Variants in SLC8A1 observed in about 807,000 individuals in gnomAD.
The protein encoded by SLC8A1 is solute carrier family 8 member A1.
A neutral mutation model predicts 68.3 loss-of-function variants in SLC8A1; 18 were observed. The observed-to-expected ratio is 0.26, with a 90% CI of 0.18 to 0.39. The LOEUF (loss-of-function observed/expected upper bound fraction) is 0.39, where lower values mean the gene tolerates loss of function less well. Among genes scored for constraint, SLC8A1 ranks in the 10% least tolerant of loss-of-function variants. SLC8A1 has a pLI of 1.00. For missense variants in SLC8A1, 985 were observed against 1,156.7 expected (o/e 0.85, Z 2.15); for synonymous variants, 475 against 415.5 (o/e 1.14, Z -1.74).
At chr2:40,271,267 C>T (rs989677549) in intron 2 of SLC8A1, among the ~76,000 whole-genome samples, 1 of 152,072 alleles carries the variant, frequency 6.6e-6, no homozygotes, top group African/African-American at 2.4e-5. Flanking sequence ...TCCCACTCCT[C>T]TCCCAGGTGT....
intron 2 of SLC8A1, among the ~76,000 whole-genome samples, chr2:40,396,748 T>TAAAAAAAAAAAAAAAA (rs368483768): frequency 2.1e-4 from 18 of 87,070 alleles, no homozygotes; most frequent in Admixed American, 5.5e-4. Flanking sequence ...CTCTAATAAC[T>TAAAAAAAAAAAAAAAA]AAAAAAAAAA....
In SLC8A1 at chr2:40,219,812, T is replaced by TG. The variant is rs1558810301; in HGVS notation, c.1809-41958_1809-41957insC. ...AGTTGATGAGAGAGATGTGCTTTGT[T>TG]TGCTATGCATGAGATTGCTTGAAAA... is the stretch of plus-strand genomic sequence containing the variant. On this transcript the variant is annotated intron_variant, in intron 2 of 7. Transcript: ENST00000406785. Among the ~76,000 whole-genome samples, 80 of 26,438 alleles carry TG rather than the reference T, an allele frequency of 3.0e-3. 5 individuals carry two copies. The highest frequency in any genetic ancestry group is 4.5e-3 in the Non-Finnish European group (35 of 7,754). 17.3% of individuals were successfully genotyped at this position (26,438 alleles called of 152,430 possible). A position where few individuals can be genotyped will look rare whatever the true frequency, so the allele number is the denominator to read the frequency against.
intron 2 of SLC8A1, among the ~76,000 whole-genome samples, chr2:40,353,136 G>A (rs1205714512): frequency 1.3e-5 from 2 of 152,102 alleles, no homozygotes; most frequent in South Asian, 2.1e-4. Context: ...GGAATCAAAG[G>A]GGTAAATTGT....
intron 2 of SLC8A1, among the ~76,000 whole-genome samples, chr2:40,273,164 A>C (rs562380634): frequency 1.3e-3 from 194 of 152,124 alleles, no homozygotes; most frequent in African/African-American, 4.5e-3. Flanking sequence ...GCTGGTCTCG[A>C]ACTCCTGACC....
chr2:40,321,456 T>C (rs1237624594), intron 2 of SLC8A1, among the ~76,000 whole-genome samples: 1 of 152,106 alleles, frequency 6.6e-6, no homozygotes. Context: ...ATGGGGTCTG[T>C]GGGTCCTTAC....
At chr2:40,454,730 A>G (rs1702901882), upstream of SLC8A1, among the ~76,000 whole-genome samples, 1 of 152,072 alleles carries the variant, frequency 6.6e-6, no homozygotes, top group Non-Finnish European at 1.5e-5. Flanking sequence ...TTTCTCTTTA[A>G]AGGCATTTTT....
chr2:40,214,602 T>C (rs2057163690), intron 2 of SLC8A1, among the ~76,000 whole-genome samples: 2 of 151,690 alleles, frequency 1.3e-5, no homozygotes, highest in Non-Finnish European at 2.9e-5. Context: ...ACACCACACC[T>C]GGCTAATTTT....
At chr2:40,165,211 C>T (rs930184404) in intron 4 of SLC8A1, among the ~76,000 whole-genome samples, 5 of 152,132 alleles carry the variant, frequency 3.3e-5, no homozygotes, top group African/African-American at 1.2e-4. Context: ...TAAGCTCATG[C>T]AAAAGTTCAG....
Position 40,307,142 on chromosome 2 carries a change from GAT to G in SLC8A1, c.1808+121329_1808+121330del, listed in dbSNP as rs560417833. On this transcript the variant is annotated intron_variant, in intron 2 of 7. Transcript: ENST00000406785. The stretch of plus-strand genomic sequence containing the variant: ...ACAGATGACTGGCTAAAGAAAATGT[GAT>G]ATACACACACACACACACACACACA... 4.4e-3 allele frequency among the ~76,000 whole-genome samples: 475 copies of G among 108,210 alleles called. 4 individuals are homozygous for G. The highest frequency in any genetic ancestry group is 5.1e-3 in the Non-Finnish European group (272 of 52,960). 71.0% of individuals were successfully genotyped at this position (108,210 alleles called of 152,430 possible).
At chr2:40,399,619 A>T (rs1576121120) in intron 2 of SLC8A1, among the ~76,000 whole-genome samples, 1 of 152,180 alleles carries the variant, frequency 6.6e-6, no homozygotes, top group East Asian at 1.9e-4. Context: ...AGGGGCCTTA[A>T]ATTGTTATGT....
At chr2:40,486,607 T>C (rs1261916464) in intron 1 of SLC8A1, among the ~76,000 whole-genome samples, 12 of 152,196 alleles carry the variant, frequency 7.9e-5, no homozygotes. Context: ...ACACAGATAA[T>C]ATATCAATGA....
intron 2 of SLC8A1, among the ~76,000 whole-genome samples, chr2:40,311,405 AT>A (rs2073643101): frequency 6.6e-6 from 1 of 150,422 alleles, no homozygotes; most frequent in African/African-American, 2.5e-5. Context: ...AATTTTAAAA[AT>A]AGCCTTCAGA....
intron 2 of SLC8A1, among the ~76,000 whole-genome samples, chr2:40,284,260 TATAA>T (rs1169422354): frequency 6.7e-6 from 1 of 150,134 alleles, no homozygotes. Context: ...TCTCTCTATA[TATAA>T]ATATATAGAG....
intron 2 of SLC8A1, among the ~76,000 whole-genome samples, chr2:40,338,747 G>GA (rs1666790597): frequency 5.3e-5 from 8 of 152,052 alleles, no homozygotes; most frequent in African/African-American, 1.9e-4. Flanking sequence ...TCCATAATTG[G>GA]ATTTTCTTCT....
chr2:40,457,266 G>C (rs1703077431), intron 1 of SLC8A1, among the ~76,000 whole-genome samples: 1 of 152,160 alleles, frequency 6.6e-6, no homozygotes, highest in African/African-American at 2.4e-5. Flanking sequence ...CTCAAGATAA[G>C]CTCCCTGGGG....
At chr2:40,316,745 G>A (rs969998092) in intron 2 of SLC8A1, among the ~76,000 whole-genome samples, 12 of 151,806 alleles carry the variant, frequency 7.9e-5, no homozygotes, top group African/African-American at 2.9e-4. Context: ...CCCTAACGTG[G>A]CTGTCCAAAA....
In SLC8A1 at chr2:40,447,478, C is replaced by T. The variant is rs1200618845; in HGVS notation, c.-25+4426G>A. Among the ~76,000 whole-genome samples the T allele has an allele frequency of 3.3e-5, 5 of 151,932 alleles. No homozygotes were observed. The East Asian group carries it at 9.7e-4, about 29-fold the overall frequency. On this transcript the variant is annotated intron_variant, in intron 1 of 7. Transcript: ENST00000406785. ...CCCCACCAAAATGGCCCTGAGTGCA[C>T]TAACTGGGCAGCAACCTAGTTTTAA... is the stretch of plus-strand genomic sequence containing the variant.
chr2:40,257,823 C>T (rs1250974772), intron 2 of SLC8A1, among the ~76,000 whole-genome samples: 1 of 152,214 alleles, frequency 6.6e-6, no homozygotes, highest in African/African-American at 2.4e-5. Context: ...TCTGCTCTGT[C>T]TTCCTATCTG....
chr2:40,447,437 A>G (rs968705346), intron 1 of SLC8A1, among the ~76,000 whole-genome samples: 1 of 152,002 alleles, frequency 6.6e-6, no homozygotes, highest in African/African-American at 2.4e-5. Context: ...CTGGGCACTC[A>G]CATCGCCCCA....
Sources: gnomAD v4.1 joint callset for allele counts (sites outside exome capture counted in the v4.1 genomes callset) on GRCh38, gnomAD v4.1.1 for gene constraint, MANE v1.5 for transcripts, NCBI Gene and HGNC (gene_info 2026-07-23, HGNC 2026-07-21) for gene names.